The following CEP57 variants were observed in gnomAD, a reference collection of about 807,000 sequenced individuals.
The protein encoded by CEP57 is centrosomal protein 57.
In CEP57, 40 loss-of-function variants were observed where a neutral mutation model predicts 68.0. The ratio of observed to expected loss-of-function variants is 0.59; its 90% CI spans 0.46 to 0.77. The LOEUF (loss-of-function observed/expected upper bound fraction) is 0.77, where lower values mean the gene tolerates loss of function less well. CEP57 is among the 30% of genes least tolerant of loss of function. CEP57 has a pLI of 0.00. For synonymous variants in CEP57, 219 were observed against 198.7 expected (o/e 1.10, Z -0.86); for missense variants, 606 against 580.7 (o/e 1.04, Z -0.45).
chr11:95,822,934 A>G, intron 8 of CEP57: 2 of 288,770 alleles, frequency 6.9e-6, no homozygotes, highest in East Asian at 1.6e-4. Flanking sequence ...ATATAGGTAG[A>G]TATTCGAATA....
intron 10 of CEP57, among the ~76,000 whole-genome samples, chr11:95,830,231 C>G (rs1862944653): frequency 6.6e-6 from 1 of 152,134 alleles, no homozygotes; most frequent in East Asian, 1.9e-4. Context: ...CATATATCCT[C>G]AGTGAAATTA....
rs887948123 is a variant in CEP57, at chr11:95,832,104, G to A, written c.*848G>A. 6.6e-6 allele frequency: 1 copy of A among 152,022 alleles called. No homozygotes were observed. Among genetic ancestry groups the A allele is most frequent in the African/African-American group, 2.4e-5 (1 of 41,396 alleles). The allele number at this position is 152,022 out of a possible 1,614,324, so 9.4% of individuals were successfully genotyped here. The stretch of plus-strand genomic sequence containing the variant: ...CCTTTGAATATTTGCTTTTACTGGT[G>A]TACAGTATGAGTGGAATATAAACTG... On this transcript the variant is annotated 3_prime_UTR_variant, in exon 11 of 11. Coordinates refer to ENST00000325542, the MANE Select transcript of CEP57 (RefSeq NM_014679.5).
chr11:95,813,393 C>T (rs1173563897), intron 3 of CEP57, 75 bp from the exon 4 acceptor site: 15 of 1,547,048 alleles, frequency 9.7e-6, no homozygotes, highest in Non-Finnish European at 1.1e-5. Flanking sequence ...ACAATAGATC[C>T]AATTCCTGTT....
chr11:95,830,807 T>A (rs1862966546), intron 10 of CEP57, among the ~76,000 whole-genome samples: 1 of 151,406 alleles, frequency 6.6e-6, no homozygotes, highest in Non-Finnish European at 1.5e-5. Context: ...GTGTATTGTT[T>A]TATATATATA....
At chr11:95,798,452 A>G (rs776836627) in intron 1 of CEP57, among the ~76,000 whole-genome samples, 7 of 152,180 alleles carry the variant, frequency 4.6e-5, no homozygotes, top group Admixed American at 1.3e-4. Flanking sequence ...ATTGAAAAAC[A>G]TAGTTTGCTG....
intron 1 of CEP57, 94 bp downstream of exon 1, chr11:95,790,837 A>G: frequency 6.9e-7 from 1 of 1,455,068 alleles, no homozygotes. Context: ...CCAGCTTCTG[A>G]CGCAATTCTG....
chr11:95,813,628 T>C lies in CEP57; in HGVS notation c.504+39T>C, dbSNP rs78294334. Reference sequence around the variant, plus strand: ...CTCACAGATTGATACTCAAGAACAGTTATGGGGAAAACTAATTGAATAAAG... The same window carrying C: ...CTCACAGATTGATACTCAAGAACAGCTATGGGGAAAACTAATTGAATAAAG... On this transcript the variant is annotated intron_variant, in intron 4 of 10. Coordinates refer to ENST00000325542, the MANE Select transcript of CEP57 (RefSeq NM_014679.5). The C allele has an allele frequency of 1.2e-3, 1,946 of 1,609,502 alleles. 23 individuals are homozygous for C. In the African/African-American group the frequency reaches 0.021, roughly 17 times the overall value.
chr11:95,813,521 C>T lies in CEP57; in HGVS notation c.436C>T (p.Gln146Ter). The change falls in exon 4 of 11, where the codon CAA becomes TAA. Residue 146 changes from glutamine to a stop codon, truncating the protein, a stop_gained. Transcript: ENST00000325542. LOFTEE classifies it high-confidence loss of function. ...AENKCNLLEK[Q>*]LEYMRNMIKH... The stretch of plus-strand genomic sequence containing the variant: ...AAATAAATGCAATCTATTAGAAAAA[C>T]AATTGGAATACATGCGAAATATGAT... The T allele has an allele frequency of 6.2e-7, 1 of 1,613,008 alleles. No individual in the cohort carries two copies. Among genetic ancestry groups the T allele is most frequent in the Non-Finnish European group, 8.5e-7 (1 of 1,179,900 alleles).
chr11:95,820,100 A>G (rs572358365), intron 6 of CEP57, among the ~76,000 whole-genome samples: 1 of 152,332 alleles, frequency 6.6e-6, no homozygotes, highest in African/African-American at 2.4e-5. Context: ...ATTATATATG[A>G]AATACAAAAT....
intron 6 of CEP57, among the ~76,000 whole-genome samples, chr11:95,820,719 T>C (rs994390893): frequency 3.3e-5 from 5 of 151,868 alleles, no homozygotes; most frequent in East Asian, 1.9e-4. Flanking sequence ...GAAGAATAAA[T>C]AAACTGGAAG....
Position 95,829,296 on chromosome 11 carries a change from A to C in CEP57, c.1237A>C (p.Asn413His). The C allele has an allele frequency of 6.2e-7, 1 of 1,614,136 alleles. No individual in the cohort carries two copies. The highest frequency in any genetic ancestry group is 2.2e-5 in the East Asian group (1 of 44,874). The change falls in exon 10 of 11, where the codon AAC becomes CAC. Residue 413 changes from asparagine to histidine, a missense_variant. Asn to His is a moderately conservative substitution (Grantham distance 68, BLOSUM62 1). Transcript: ENST00000325542. ...ALVGRMEAKA[N>H]QITKVRKYQA... ...AGTGGGAAGGATGGAAGCAAAAGCCAACCAAATAACTAAAGTTCGAAAATA... is the reference window on the plus strand; with the variant it reads ...AGTGGGAAGGATGGAAGCAAAAGCCCACCAAATAACTAAAGTTCGAAAATA...
chr11:95,820,053 G>A (rs952306273), intron 6 of CEP57, among the ~76,000 whole-genome samples: 1 of 152,024 alleles, frequency 6.6e-6, no homozygotes, highest in Non-Finnish European at 1.5e-5. Context: ...CAAACTTGTG[G>A]GTTGTGCTTT....
At chr11:95,800,395 T>G (rs79190204) in intron 2 of CEP57, among the ~76,000 whole-genome samples, 2 of 151,684 alleles carry the variant, frequency 1.3e-5, no homozygotes, top group Non-Finnish European at 2.9e-5. Context: ...TTTTTTTTTT[T>G]ATTTTTTATT....
At chr11:95,812,736 G>A (rs1214946408) in intron 2 of CEP57, among the ~76,000 whole-genome samples, 196 bp from the exon 3 acceptor site, 2 of 151,902 alleles carry the variant, frequency 1.3e-5, no homozygotes, top group South Asian at 2.1e-4. Flanking sequence ...CACCGCACCC[G>A]GCCCACTCAA....
chr11:95,816,099 G>C (rs574099886), intron 4 of CEP57, among the ~76,000 whole-genome samples: 3 of 152,244 alleles, frequency 2.0e-5, no homozygotes, highest in Non-Finnish European at 2.9e-5. Flanking sequence ...GAAAGAAAGA[G>C]GTTTAATTGA....
At chr11:95,802,660 T>G (rs1479924886) in intron 2 of CEP57, among the ~76,000 whole-genome samples, 1 of 152,228 alleles carries the variant, frequency 6.6e-6, no homozygotes, top group African/African-American at 2.4e-5. Flanking sequence ...AGTTTAGTGT[T>G]ACTACCTTGA....
At chr11:95,812,685 C>G (rs1862119983) in intron 2 of CEP57, among the ~76,000 whole-genome samples, 1 of 152,074 alleles carries the variant, frequency 6.6e-6, no homozygotes, top group African/African-American at 2.4e-5. Context: ...GGTGATCCAC[C>G]CACCTCAGCC....
intron 2 of CEP57, among the ~76,000 whole-genome samples, chr11:95,806,561 A>C (rs1861810651): frequency 6.6e-6 from 1 of 152,002 alleles, no homozygotes; most frequent in Non-Finnish European, 1.5e-5. Flanking sequence ...CAAACGGCAC[A>C]CCAGGAGATT....
chr11:95,822,852 G>A (rs1037518581), intron 8 of CEP57: 1 of 428,732 alleles, frequency 2.3e-6, no homozygotes, highest in African/African-American at 2.0e-5. Flanking sequence ...TTCAGATAGG[G>A]GTCAAGGAAA....
Sources: gnomAD v4.1 joint callset for allele counts (sites outside exome capture counted in the v4.1 genomes callset) on GRCh38, gnomAD v4.1.1 for gene constraint, MANE v1.5 for transcripts, NCBI Gene and HGNC (gene_info 2026-07-23, HGNC 2026-07-21) for gene names.